POU6F2: variants seen among roughly 807,000 people sequenced by gnomAD.
POU6F2 encodes POU domain, class 6, transcription factor 2.
POU6F2 carries 31 observed loss-of-function variants against 71.3 expected under a neutral mutation model. The ratio of observed to expected loss-of-function variants is 0.43; its 90% CI spans 0.33 to 0.59. The LOEUF is 0.59. POU6F2 is among the 20% of genes least tolerant of loss of function. The probability of loss-of-function intolerance (pLI) is 0.04; values close to 1 mark genes in which losing one functional copy is unlikely to be tolerated. For synonymous variants in POU6F2, 347 were observed against 355.7 expected (o/e 0.98, Z 0.27); for missense variants, 783 against 856.8 (o/e 0.91, Z 1.07).
intron 5 of POU6F2, among the ~76,000 whole-genome samples, chr7:39,343,013 C>T (rs1213802614): frequency 6.6e-6 from 1 of 152,018 alleles, no homozygotes; most frequent in Admixed American, 6.6e-5. Flanking sequence ...TAGAAGCTGC[C>T]CCTGGAGATC....
chr7:39,407,021 C>T (rs1787448715), intron 6 of POU6F2, among the ~76,000 whole-genome samples: 1 of 151,990 alleles, frequency 6.6e-6, no homozygotes, highest in Non-Finnish European at 1.5e-5. Flanking sequence ...CTTTGCATTA[C>T]AGGGGGCATT....
intron 1 of POU6F2, among the ~76,000 whole-genome samples, chr7:39,009,554 A>G (rs1275544680): frequency 6.6e-6 from 1 of 152,152 alleles, no homozygotes; most frequent in Non-Finnish European, 1.5e-5. Context: ...AACTTCCAAC[A>G]CTATGTTGAA....
chr7:39,211,323 C>T (rs1794139150), intron 4 of POU6F2, among the ~76,000 whole-genome samples: 1 of 152,104 alleles, frequency 6.6e-6, no homozygotes, highest in South Asian at 2.1e-4. Flanking sequence ...TATTAATGCT[C>T]CCGCTCTCAC....
intron 4 of POU6F2, among the ~76,000 whole-genome samples, chr7:39,310,930 G>A (rs993253320): frequency 1.3e-5 from 2 of 152,152 alleles, no homozygotes; most frequent in African/African-American, 4.8e-5. Context: ...GCAGGACAAT[G>A]GCGACCTCAA....
intron 1 of POU6F2, among the ~76,000 whole-genome samples, chr7:39,052,917 GTT>G (rs1167086163): frequency 4.6e-5 from 7 of 152,032 alleles, no homozygotes; most frequent in Admixed American, 1.3e-4. Context: ...AAGGTTTTCT[GTT>G]CTTTCTATTG....
intron 2 of POU6F2, among the ~76,000 whole-genome samples, chr7:39,193,941 G>A (rs1199523725): frequency 6.6e-6 from 1 of 152,118 alleles, no homozygotes; most frequent in Non-Finnish European, 1.5e-5. Context: ...TGTAAGAGTT[G>A]AAGAAATAAT....
chr7:39,062,975 G>T (rs1293451164), intron 1 of POU6F2, among the ~76,000 whole-genome samples: 1 of 151,926 alleles, frequency 6.6e-6, no homozygotes, highest in South Asian at 2.1e-4. Flanking sequence ...CAGACATGGC[G>T]ATCAGCTTCA....
intron 5 of POU6F2, among the ~76,000 whole-genome samples, chr7:39,358,123 A>G (rs1182042315): frequency 6.6e-6 from 1 of 152,242 alleles, no homozygotes; most frequent in Non-Finnish European, 1.5e-5. Context: ...AAGTATGACC[A>G]CTGACTGGAT....
chr7:39,324,470 C>A (rs1785469446), intron 4 of POU6F2, among the ~76,000 whole-genome samples: 2 of 152,202 alleles, frequency 1.3e-5, no homozygotes, highest in African/African-American at 4.8e-5. Context: ...AGGTGCTCCA[C>A]CAGCTTGGCC....
rs144358861 is a variant in POU6F2, at chr7:39,303,229, G to A, written c.599-36413G>A. 4.1e-3 allele frequency among the ~76,000 whole-genome samples: 617 copies of A among 152,184 alleles called. 4 individuals are homozygous for A. The highest frequency in any genetic ancestry group is 6.8e-3 in the Middle Eastern group (2 of 294). On this transcript the variant is annotated intron_variant, in intron 4 of 9. Transcript: ENST00000518318. ...TGGAGTGCGGTAGCACTCACTGCAA[G>A]CTCCGCCTCCCGGGCTCGTGCCATT...
intron 2 of POU6F2, among the ~76,000 whole-genome samples, chr7:39,132,215 A>G (rs1792300797): frequency 6.6e-6 from 1 of 152,210 alleles, no homozygotes; most frequent in Non-Finnish European, 1.5e-5. Context: ...TCATTTTGGA[A>G]AACTGTAAGA....
chr7:39,198,749 T>G (rs1793833646), intron 2 of POU6F2, among the ~76,000 whole-genome samples: 1 of 152,128 alleles, frequency 6.6e-6, no homozygotes, highest in Non-Finnish European at 1.5e-5. Flanking sequence ...ATAAAGAAAT[T>G]CTAACTGGCA....
intron 6 of POU6F2, among the ~76,000 whole-genome samples, chr7:39,414,520 T>TA (rs1787626611): frequency 6.6e-6 from 1 of 152,062 alleles, no homozygotes; most frequent in Non-Finnish European, 1.5e-5. Context: ...CTCTTGATGG[T>TA]AAATGGCGCT....
chr7:39,056,082 C>T (rs965664243), intron 1 of POU6F2, among the ~76,000 whole-genome samples: 1 of 150,950 alleles, frequency 6.6e-6, no homozygotes, highest in African/African-American at 2.4e-5. Context: ...TTCCTCAATC[C>T]AGTTCTCAAT....
At chr7:39,210,221 T>G (rs555910970) in intron 4 of POU6F2, among the ~76,000 whole-genome samples, 57 of 152,328 alleles carry the variant, frequency 3.7e-4, no homozygotes, top group African/African-American at 1.3e-3. Context: ...TCTGCACACC[T>G]AGTCTGAAGC....
intron 1 of POU6F2, among the ~76,000 whole-genome samples, chr7:39,059,738 A>C (rs1432159031): frequency 6.6e-6 from 1 of 152,248 alleles, no homozygotes; most frequent in Non-Finnish European, 1.5e-5. Context: ...AAATCTTCAC[A>C]GAAGCATTAT....
At chr7:39,382,253 C>G (rs895421933) in intron 5 of POU6F2, among the ~76,000 whole-genome samples, 4 of 152,114 alleles carry the variant, frequency 2.6e-5, no homozygotes, top group Non-Finnish European at 5.9e-5. Context: ...TGAGACCCTG[C>G]CTATCAGAAT....
intron 1 of POU6F2, among the ~76,000 whole-genome samples, chr7:39,013,813 T>A (rs1789398074): frequency 1.3e-5 from 2 of 152,198 alleles, no homozygotes; most frequent in African/African-American, 4.8e-5. Context: ...TAATATGTCA[T>A]CTTTCCAACA....
chr7:38,996,551 C>G (rs1164285280), intron 1 of POU6F2, among the ~76,000 whole-genome samples: 1 of 152,134 alleles, frequency 6.6e-6, no homozygotes, highest in African/African-American at 2.4e-5. Flanking sequence ...CAGCCTTGAC[C>G]ACTTTTTTAG....
Sources: allele counts gnomAD v4.1 joint callset (sites outside exome capture counted in the v4.1 genomes callset), GRCh38; gene constraint gnomAD v4.1.1; transcripts MANE v1.5; gene names NCBI Gene and HGNC (gene_info 2026-07-23, HGNC 2026-07-21).